The following LAPTM4A variants were observed in gnomAD, a reference collection of about 807,000 sequenced individuals.
The protein encoded by LAPTM4A is lysosomal-associated transmembrane protein 4A.
In LAPTM4A, 19 loss-of-function variants were observed where a neutral mutation model predicts 29.9. The ratio of observed to expected loss-of-function variants is 0.64; its 90% confidence interval spans 0.44 to 0.93. The LOEUF (loss-of-function observed/expected upper bound fraction) is 0.93, where lower values mean the gene tolerates loss of function less well. Ranked by LOEUF, LAPTM4A falls within the 40% of genes least tolerant of loss-of-function variation. LAPTM4A has a pLI of 0.00. For missense variants in LAPTM4A, 293 were observed against 288.5 expected (o/e 1.02, Z -0.11); for synonymous variants, 105 against 102.1 (o/e 1.03, Z -0.17).
chr2:20,047,696 C>CAAAAAAAAAAAAAAAAAAAAAG (rs61601787), intron 1 of LAPTM4A, among the ~76,000 whole-genome samples: 1 of 76,720 alleles, frequency 1.3e-5, no homozygotes, highest in African/African-American at 5.0e-5. Context: ...GACTCCGTCT[C>CAAAAAAAAAAAAAAAAAAAAAG]AAAAAAAAAA....
At chr2:20,041,537 T>C (rs2103497958) in intron 1 of LAPTM4A, among the ~76,000 whole-genome samples, 1 of 152,266 alleles carries the variant, frequency 6.6e-6, no homozygotes, top group East Asian at 1.9e-4. Context: ...TGTGTATGTG[T>C]ATGTGTGCGT....
intron 1 of LAPTM4A, among the ~76,000 whole-genome samples, chr2:20,046,803 T>TA (rs1293006235): frequency 1.8e-4 from 25 of 142,388 alleles, no homozygotes; most frequent in African/African-American, 5.3e-4. Flanking sequence ...ATAATATATA[T>TA]TTTTTTTTGG....
At position 20,032,988 on chromosome 2, in the gene LAPTM4A, T is replaced by A. The variant is rs1028769233; in HGVS notation, c.*217A>T. On this transcript the variant is annotated 3_prime_UTR_variant, in exon 7 of 7. Coordinates refer to ENST00000175091, the MANE Select transcript of LAPTM4A (RefSeq NM_014713.5). The stretch of plus-strand genomic sequence containing the variant: ...GCACTTTGCTCTTGCTTAACCTAGA[T>A]TGTCTTCAAAAACTATTAAAATGTA... The A allele has an allele frequency of 1.8e-6, 1 of 542,318 alleles. No individual in the cohort carries two copies. The highest frequency in any genetic ancestry group is 3.3e-6 in the Non-Finnish European group (1 of 304,876). The allele number at this position is 542,318 out of a possible 1,614,324, so 33.6% of individuals were successfully genotyped here.
At chr2:20,047,154 C>T (rs867590339) in intron 1 of LAPTM4A, among the ~76,000 whole-genome samples, 51 of 151,824 alleles carry the variant, frequency 3.4e-4, no homozygotes, top group Admixed American at 8.5e-4. Context: ...CTTTGGGAGG[C>T]CAAGGCAGGC....
chr2:20,051,563 G>A lies in LAPTM4A; in HGVS notation c.-43C>T. On this transcript the variant is annotated 5_prime_UTR_variant, in exon 1 of 7. In the 5' UTR this introduces an upstream ATG that the reference lacks. Coordinates refer to ENST00000175091, the MANE Select transcript of LAPTM4A (RefSeq NM_014713.5). ...CTTCTTGGCCGGGCCCCTGACAAAC[G>A]TTCTCCACCCGCAGCCAAACTCAAA... 1.6e-6 allele frequency: 2 copies of A among 1,283,692 alleles called. No homozygotes were observed. Among genetic ancestry groups the A allele is most frequent in the Non-Finnish European group, 1.1e-6 (1 of 910,740 alleles). The allele number at this position is 1,283,692 out of a possible 1,614,324, so 79.5% of individuals were successfully genotyped here.
At chr2:20,048,937 G>A (rs1673996859) in intron 1 of LAPTM4A, among the ~76,000 whole-genome samples, 1 of 152,202 alleles carries the variant, frequency 6.6e-6, no homozygotes, top group Admixed American at 6.5e-5. Context: ...GGTAGAGACT[G>A]TCTTTACACT....
intron 2 of LAPTM4A, among the ~76,000 whole-genome samples, chr2:20,040,563 AG>A (rs1438534932): frequency 6.6e-6 from 1 of 152,232 alleles, no homozygotes; most frequent in African/African-American, 2.4e-5. Context: ...ATATATCATG[AG>A]GGTTCCATAA....
At chr2:20,047,279 T>G (rs1267414121) in intron 1 of LAPTM4A, among the ~76,000 whole-genome samples, 1 of 149,780 alleles carries the variant, frequency 6.7e-6, no homozygotes, top group Non-Finnish European at 1.5e-5. Context: ...TCCCAGCTAT[T>G]TGGGAGGCTG....
At chr2:20,046,451 T>G (rs1438948876) in intron 1 of LAPTM4A, among the ~76,000 whole-genome samples, 2 of 152,032 alleles carry the variant, frequency 1.3e-5, no homozygotes. Flanking sequence ...AAATGTGTAA[T>G]GAACACCTCA....
intron 1 of LAPTM4A, among the ~76,000 whole-genome samples, chr2:20,045,725 C>T (rs965884868): frequency 2.0e-5 from 3 of 152,120 alleles, no homozygotes; most frequent in Non-Finnish European, 1.5e-5. Flanking sequence ...AAGCACAGGG[C>T]CTGAAGAGAG....
intron 6 of LAPTM4A, 130 bp downstream of exon 6, chr2:20,034,187 C>A: frequency 7.0e-6 from 5 of 712,286 alleles, no homozygotes; most frequent in Non-Finnish European, 1.3e-5. Flanking sequence ...TTAAGCTGTT[C>A]ATAAAAGTAC....
intron 4 of LAPTM4A, 141 bp downstream of exon 4, chr2:20,037,175 A>T: frequency 1.5e-6 from 1 of 646,344 alleles, no homozygotes. Context: ...AGTAGCTAAG[A>T]GAGCAGAAAT....
At chr2:20,035,355 A>G (rs1673658365) in intron 4 of LAPTM4A, 2 of 338,532 alleles carry the variant, frequency 5.9e-6, no homozygotes, top group Non-Finnish European at 1.1e-5. Context: ...CTTTGGAAAA[A>G]CACTATCGCC....
In LAPTM4A at chr2:20,033,193, G is replaced by A; in HGVS notation, c.*12C>T. The A allele has an allele frequency of 6.2e-7, 1 of 1,609,678 alleles. No homozygotes were observed. The highest frequency in any genetic ancestry group is 8.5e-7 in the Non-Finnish European group (1 of 1,175,996). On this transcript the variant is annotated 3_prime_UTR_variant, in exon 7 of 7. Transcript: ENST00000175091. ...AGCTGGTATAGGATTTATTGTCAAA[G>A]GCAGAATTTCTTCAGGCAGGTAAGT...
chr2:20,043,324 C>A (rs1673846746), intron 1 of LAPTM4A, among the ~76,000 whole-genome samples: 2 of 151,032 alleles, frequency 1.3e-5, no homozygotes, highest in Admixed American at 6.6e-5. Context: ...AGGCCATTCT[C>A]ACACCTCAGC....
intron 1 of LAPTM4A, among the ~76,000 whole-genome samples, chr2:20,050,492 T>C (rs963750317): frequency 6.6e-6 from 1 of 152,228 alleles, no homozygotes; most frequent in Non-Finnish European, 1.5e-5. Context: ...TTGTCACGGC[T>C]TCGGCAAAAT....
intron 1 of LAPTM4A, among the ~76,000 whole-genome samples, chr2:20,041,889 A>G (rs1258340906): frequency 6.6e-6 from 1 of 152,140 alleles, no homozygotes; most frequent in Non-Finnish European, 1.5e-5. Flanking sequence ...GTGCTCCAAT[A>G]CCTGAAAACA....
intron 1 of LAPTM4A, among the ~76,000 whole-genome samples, chr2:20,048,732 A>G (rs913451329): frequency 6.6e-6 from 1 of 152,204 alleles, no homozygotes; most frequent in African/African-American, 2.4e-5. Flanking sequence ...CAAGCAAGAG[A>G]GTACCTTGAC....
intron 1 of LAPTM4A, among the ~76,000 whole-genome samples, chr2:20,047,727 G>A (rs1424416437): frequency 2.1e-5 from 3 of 142,422 alleles, no homozygotes; most frequent in African/African-American, 7.4e-5. Flanking sequence ...GTTTTACCAC[G>A]AAAACATGTG....
Sources: allele counts gnomAD v4.1 joint callset (sites outside exome capture counted in the v4.1 genomes callset), GRCh38; gene constraint gnomAD v4.1.1; transcripts MANE v1.5; gene names NCBI Gene and HGNC (gene_info 2026-07-23, HGNC 2026-07-21).